The following HTT variants were observed in gnomAD, a reference collection of about 807,000 sequenced individuals.
The protein encoded by HTT is huntingtin, also known as huntington disease protein.
Under a neutral mutation model 362.3 loss-of-function variants are expected in HTT, and 104 were observed. The ratio of observed to expected loss-of-function variants is 0.29; its 90% confidence interval spans 0.24 to 0.34. The LOEUF is 0.34. Among genes scored for constraint, HTT ranks in the 10% least tolerant of loss-of-function variants. The probability of loss-of-function intolerance (pLI) is 1.00; values close to 1 mark genes in which losing one functional copy is unlikely to be tolerated. For synonymous variants in HTT, 1,577 were observed against 1,548.7 expected, an observed-to-expected ratio of 1.02 and a Z score of -0.43; for missense variants, 3,301 against 3,928.6, an observed-to-expected ratio of 0.84 and a Z score of 4.27.
chr4:3,221,585 C>T (rs983841982), intron 53 of HTT, among the ~76,000 whole-genome samples: 6 of 152,216 alleles, frequency 3.9e-5, no homozygotes, highest in Non-Finnish European at 7.3e-5. Context: ...TTCTTTACCC[C>T]GTTTATCACG....
At chr4:3,166,064 T>C (rs571288247) in intron 29 of HTT, among the ~76,000 whole-genome samples, 24 of 152,338 alleles carry the variant, frequency 1.6e-4, no homozygotes, top group African/African-American at 5.3e-4. Flanking sequence ...ACCTTTGGTC[T>C]TTGATGTTGG....
At chr4:3,195,897 G>A (rs1719233284) in intron 40 of HTT, among the ~76,000 whole-genome samples, 1 of 152,174 alleles carries the variant, frequency 6.6e-6, no homozygotes, top group Admixed American at 6.5e-5. Flanking sequence ...ATAAGTGACA[G>A]GCATGCCTTT....
chr4:3,229,263 A>T (rs1337310906), intron 59 of HTT, among the ~76,000 whole-genome samples: 1 of 71,026 alleles, frequency 1.4e-5, no homozygotes, highest in African/African-American at 5.0e-5. Flanking sequence ...CACATGCACC[A>T]CACACATGCC....
intron 35 of HTT, among the ~76,000 whole-genome samples, chr4:3,179,558 C>T (rs1045055699): frequency 4.6e-5 from 7 of 151,652 alleles, no homozygotes; most frequent in African/African-American, 1.5e-4. Flanking sequence ...TTGCATTGTG[C>T]CCTTCACTGA....
chr4:3,157,761 AT>A (rs943244085), intron 28 of HTT, among the ~76,000 whole-genome samples: 55 of 146,512 alleles, frequency 3.8e-4, no homozygotes, highest in African/African-American at 6.0e-4. Flanking sequence ...TTTTTAGTTC[AT>A]TTTTTTTTTT....
At chr4:3,079,429 G>T (rs148647508) in intron 1 of HTT, among the ~76,000 whole-genome samples, 27 of 152,134 alleles carry the variant, frequency 1.8e-4, no homozygotes, top group African/African-American at 5.8e-4. Flanking sequence ...GCCAGATGAT[G>T]GCTTTTGAGT....
At chr4:3,171,381 G>C (rs1277760610) in intron 29 of HTT, among the ~76,000 whole-genome samples, 2 of 151,978 alleles carry the variant, frequency 1.3e-5, no homozygotes, top group African/African-American at 2.4e-5. Flanking sequence ...GCCAGGCAGT[G>C]GTGAAACAGG....
rs537784577 is a variant in HTT at position 3,158,776 on chromosome 4, A to G, written c.3754-1506A>G. Among the ~76,000 whole-genome samples, 3 of 152,190 alleles carry G rather than the reference A, an allele frequency of 2.0e-5. No homozygotes were observed. In the East Asian group the frequency reaches 5.8e-4, roughly 29 times the overall value. ...GGTCTCTTTAAGCTGCATGGTTCTC[A>G]TGTCAGCTCCCAAAGCAGAAGACGG... On this transcript the variant is annotated intron_variant, in intron 28 of 66. Coordinates refer to ENST00000355072, the MANE Select transcript of HTT (RefSeq NM_001388492.1).
intron 6 of HTT, among the ~76,000 whole-genome samples, chr4:3,113,901 C>G (rs1316895811): frequency 6.6e-6 from 1 of 152,000 alleles, no homozygotes; most frequent in Non-Finnish European, 1.5e-5. Flanking sequence ...GGTGCCGAGA[C>G]CAGCTCAGTC....
At chr4:3,235,174 A>C in intron 61 of HTT, 110 bp from the exon 62 acceptor site, 1 of 775,040 alleles carries the variant, frequency 1.3e-6, no homozygotes, top group Non-Finnish European at 2.2e-6. Context: ...CGCTCCCGGG[A>C]GCCCGCCTGG....
Position 3,131,710 on chromosome 4 carries a change from C to A in HTT, c.2171C>A (p.Ala724Asp). Residue 724 changes from alanine (A) to aspartate (D), a missense_variant, in exon 16 of 67, where the codon GCC becomes GAC. Ala to Asp is a moderately radical substitution (Grantham distance 126). Transcript: ENST00000355072. ...LALSCVGAAV[A>D]LHPESFFSKL... ...CTCAGCTGTGTGGGAGCAGCTGTGG[C>A]CCTCCACCCGGAATCTTTCTTCAGC... 6.2e-7 allele frequency: 1 copy of A among 1,613,720 alleles called. No individual in the cohort carries two copies. The highest frequency in any genetic ancestry group is 8.5e-7 in the Non-Finnish European group (1 of 1,179,708).
intron 31 of HTT, among the ~76,000 whole-genome samples, chr4:3,174,453 C>T (rs915093540): frequency 1.5e-4 from 23 of 152,200 alleles, no homozygotes; most frequent in Admixed American, 5.2e-4. Flanking sequence ...TAGTCAGTTT[C>T]CTGTAGCAGA....
At position 3,172,183 on chromosome 4, in the gene HTT, G is replaced by GA. The variant is rs1202398288; in HGVS notation, c.3865-133dup. ...TACTGACTGTTCAAAATAAGAAATT[G>GA]AAAACTTTCCTCTGATTTTCCTCTA... On this transcript the variant is annotated intron_variant, in intron 29 of 66. Coordinates refer to ENST00000355072, the MANE Select transcript of HTT (RefSeq NM_001388492.1). 41 of 664,586 alleles carry GA rather than the reference G, an allele frequency of 6.2e-5. No individual in the cohort carries two copies. In the South Asian group the frequency reaches 6.2e-4, roughly 10 times the overall value. 41.2% of individuals were successfully genotyped at this position (664,586 alleles called of 1,614,324 possible).
chr4:3,106,685 T>A (rs1032079506), intron 5 of HTT, among the ~76,000 whole-genome samples: 7 of 152,188 alleles, frequency 4.6e-5, no homozygotes, highest in Non-Finnish European at 8.8e-5. Context: ...CCTGATGGTT[T>A]TTTTTTCCCC....
At position 3,238,903 on chromosome 4, in the gene HTT, C is replaced by G. The variant is rs1293216233; in HGVS notation, c.9140C>G (p.Ala3047Gly). The change falls in exon 66 of 67, where the codon GCC becomes GGC. Residue 3047 changes from alanine to glycine, a missense_variant. Transcript: ENST00000355072. ...TCCCTCTCCAACTTCACGCAGAGGG[C>G]CCCGGTCGCCATGGCCACGTGGAGC... Reference protein sequence around the residue: ...MLSLSNFTQRAPVAMATWSLS... With the variant: ...MLSLSNFTQRGPVAMATWSLS... 6.2e-7 allele frequency: 1 copy of G among 1,611,484 alleles called. No individual in the cohort carries two copies. The highest frequency in any genetic ancestry group is 8.5e-7 in the Non-Finnish European group (1 of 1,179,544).
In HTT at chr4:3,222,386, G is replaced by C. The variant is rs751132950; in HGVS notation, c.7370-1G>C. 1 of 1,612,916 alleles carries C rather than the reference G, an allele frequency of 6.2e-7. No individual in the cohort carries two copies. The highest frequency in any genetic ancestry group is 8.5e-7 in the Non-Finnish European group (1 of 1,179,084). The stretch of plus-strand genomic sequence containing the variant: ...CTCTCATGTAACATTTATATTTCTA[G>C]GCTGGACCAGTCGTACTCAGTTTGA... On this transcript the variant is annotated splice_acceptor_variant, in intron 53 of 66. Transcript: ENST00000355072. LOFTEE classifies it high-confidence loss of function.
intron 55 of HTT, 123 bp from the exon 56 acceptor site, chr4:3,223,869 A>G: frequency 2.0e-6 from 2 of 976,442 alleles, no homozygotes; most frequent in Non-Finnish European, 3.2e-6. Context: ...TCACTTAGGA[A>G]GTGAGTTTCA....
intron 45 of HTT, among the ~76,000 whole-genome samples, chr4:3,207,774 A>C (rs1435395305): frequency 6.6e-6 from 1 of 152,240 alleles, no homozygotes; most frequent in Non-Finnish European, 1.5e-5. Flanking sequence ...TTACATCTGC[A>C]TCCTGTTGCC....
chr4:3,126,365 C>T (rs1385861889), intron 11 of HTT, among the ~76,000 whole-genome samples: 1 of 152,032 alleles, frequency 6.6e-6, no homozygotes, highest in Non-Finnish European at 1.5e-5. Flanking sequence ...GTTACAGATA[C>T]TTATCTAATG....
Sources: gnomAD v4.1 joint callset for allele counts (sites outside exome capture counted in the v4.1 genomes callset) on GRCh38, gnomAD v4.1.1 for gene constraint, MANE v1.5 for transcripts, NCBI Gene and HGNC (gene_info 2026-07-23, HGNC 2026-07-21) for gene names.